NNT: variants seen among roughly 807,000 people sequenced by gnomAD.
The protein encoded by NNT is nicotinamide nucleotide transhydrogenase.
In NNT, 50 loss-of-function variants were observed where a neutral mutation model predicts 104.8. That is an observed-to-expected ratio of 0.48 (90% CI 0.38 to 0.60). The LOEUF (loss-of-function observed/expected upper bound fraction) is 0.60, where lower values mean the gene tolerates loss of function less well. Ranked by LOEUF, NNT falls within the 20% of genes least tolerant of loss-of-function variation. NNT has a pLI of 0.00. For missense variants in NNT, 1,131 were observed against 1,330.7 expected (o/e 0.85, Z 2.33); for synonymous variants, 461 against 490.4 (o/e 0.94, Z 0.79).
In NNT at chr5:43,651,753, A is replaced by G. The variant is rs1739777861; in HGVS notation, c.1732A>G (p.Thr578Ala). 1 of 1,613,970 alleles carries G rather than the reference A, an allele frequency of 6.2e-7. No homozygotes were observed. Among genetic ancestry groups the G allele is most frequent in the African/African-American group, 1.3e-5 (1 of 74,972 alleles). ...SVNIAGGFLVTQRMLDMFKRP... is the reference protein window; with the variant it reads ...SVNIAGGFLVAQRMLDMFKRP... ...GGTTTGCTAAGGTGGCTTTCTGGTG[A>G]CTCAGAGAATGCTGGACATGTTCAA... Residue 578 changes from threonine (T) to alanine (A), a missense_variant, in exon 13 of 22, where the codon ACT becomes GCT. Transcript: ENST00000344920.
At chr5:43,624,873 A>G (rs1750282669) in intron 6 of NNT, among the ~76,000 whole-genome samples, 1 of 152,216 alleles carries the variant, frequency 6.6e-6, no homozygotes, top group Non-Finnish European at 1.5e-5. Flanking sequence ...GAATAATACT[A>G]CTGTTAATCT....
At chr5:43,627,170 G>A (rs1485595116) in intron 6 of NNT, among the ~76,000 whole-genome samples, 1 of 152,132 alleles carries the variant, frequency 6.6e-6, no homozygotes, top group African/African-American at 2.4e-5. Flanking sequence ...GATTCCACTT[G>A]TGGTTGCAAC....
At chr5:43,610,931 C>A (rs1749467246) in intron 2 of NNT, among the ~76,000 whole-genome samples, 1 of 152,112 alleles carries the variant, frequency 6.6e-6, no homozygotes, top group African/African-American at 2.4e-5. Flanking sequence ...TTATTTTTAT[C>A]TCTGAAAGAT....
chr5:43,697,272 C>G (rs568500369), intron 19 of NNT, among the ~76,000 whole-genome samples: 1 of 152,126 alleles, frequency 6.6e-6, no homozygotes, highest in African/African-American at 2.4e-5. Flanking sequence ...GGTAAAATGC[C>G]GTCATTCTCT....
intron 18 of NNT, among the ~76,000 whole-genome samples, chr5:43,677,252 A>G (rs1007561917): frequency 6.6e-6 from 1 of 152,152 alleles, no homozygotes; most frequent in Non-Finnish European, 1.5e-5. Context: ...GTGAGGGGCA[A>G]AGTTAAAGCC....
Position 43,607,780 on chromosome 5 carries a change from TCTCC to T in NNT, c.-53-1359_-53-1356del, listed in dbSNP as rs920431652. Among the ~76,000 whole-genome samples, 3 of 152,012 alleles carry T rather than the reference TCTCC, an allele frequency of 2.0e-5. 1 individual carries two copies. In the East Asian group the frequency reaches 5.8e-4, roughly 30 times the overall value. ...TGAAATTAAAAATGAGCTAAGTCTTTCTCCCTCTGGAGTCTGGAAGAACATTTAC... is the reference window on the plus strand; with the variant it reads ...TGAAATTAAAAATGAGCTAAGTCTTTCTCTGGAGTCTGGAAGAACATTTAC... On this transcript the variant is annotated intron_variant, in intron 1 of 21. Transcript: ENST00000344920.
At chr5:43,615,777 G>A (rs1749752504) in intron 3 of NNT, 71 bp from the exon 4 acceptor site, 17 of 1,155,784 alleles carry the variant, frequency 1.5e-5, no homozygotes, top group Non-Finnish European at 2.0e-5. Context: ...TATTATCTAA[G>A]TTTTCCTGTT....
At chr5:43,634,185 G>A (rs946108056) in intron 7 of NNT, among the ~76,000 whole-genome samples, 1 of 152,120 alleles carries the variant, frequency 6.6e-6, no homozygotes, top group African/African-American at 2.4e-5. Context: ...CTGGAGAATT[G>A]GGTGGGAGGT....
At chr5:43,620,893 G>A (rs1436974731) in intron 5 of NNT, among the ~76,000 whole-genome samples, 2 of 152,196 alleles carry the variant, frequency 1.3e-5, no homozygotes, top group African/African-American at 4.8e-5. Context: ...TGGAAGTTGA[G>A]AGAAAAGCTG....
chr5:43,638,631 A>G (rs1372228340), intron 7 of NNT, among the ~76,000 whole-genome samples: 1 of 150,634 alleles, frequency 6.6e-6, no homozygotes, highest in Non-Finnish European at 1.5e-5. Flanking sequence ...GTGGAGCTAA[A>G]TATCTCATGT....
intron 18 of NNT, among the ~76,000 whole-genome samples, chr5:43,676,352 T>C (rs1034568455): frequency 4.6e-5 from 7 of 152,200 alleles, no homozygotes; most frequent in Non-Finnish European, 7.3e-5. Flanking sequence ...ATCAAATGAG[T>C]TTTCTGTAAA....
At chr5:43,660,669 C>G (rs1429893847) in intron 17 of NNT, among the ~76,000 whole-genome samples, 1 of 152,168 alleles carries the variant, frequency 6.6e-6, no homozygotes, top group Admixed American at 6.5e-5. Context: ...AGGAAGCTTA[C>G]AATCATGGCA....
intron 3 of NNT, among the ~76,000 whole-genome samples, chr5:43,613,857 C>T (rs1720858665): frequency 6.6e-6 from 1 of 152,066 alleles, no homozygotes; most frequent in South Asian, 2.1e-4. Context: ...CTTTTTTCTA[C>T]ATTAATTTCT....
chr5:43,665,878 C>T (rs1419428890), intron 17 of NNT, among the ~76,000 whole-genome samples: 3 of 151,142 alleles, frequency 2.0e-5, no homozygotes, highest in African/African-American at 4.9e-5. Flanking sequence ...CTGGACGGGG[C>T]GGCTGCCGGG....
At position 43,706,773 on chromosome 5, in the gene NNT, T is replaced by C. The variant is rs1489260099; in HGVS notation, c.*2369T>C. 6.6e-6 allele frequency: 1 copy of C among 152,202 alleles called. No individual in the cohort carries two copies. Among genetic ancestry groups the C allele is most frequent in the Non-Finnish European group, 1.5e-5 (1 of 68,046 alleles). The allele number at this position is 152,202 out of a possible 1,614,324, so 9.4% of individuals were successfully genotyped here. On this transcript the variant is annotated 3_prime_UTR_variant, in exon 22 of 22. Transcript: ENST00000344920. ...TAAGAAAATGTGCACATATACACCA[T>C]GGAATACTATGCAGCCATAAAAAAG...
At chr5:43,651,471 G>C (rs943832501) in intron 12 of NNT, among the ~76,000 whole-genome samples, 1 of 152,002 alleles carries the variant, frequency 6.6e-6, no homozygotes, top group South Asian at 2.1e-4. Context: ...CCAGCCACTC[G>C]GGGGGCTGAG....
chr5:43,666,731 A>G, intron 17 of NNT: 2 of 1,183,254 alleles, frequency 1.7e-6, no homozygotes, highest in Non-Finnish European at 2.4e-6. Context: ...GGGGGGTCGC[A>G]CCAGTCCTTC....
chr5:43,648,417 T>A (rs929918140), intron 10 of NNT: 1 of 166,798 alleles, frequency 6.0e-6, no homozygotes, highest in Non-Finnish European at 1.3e-5. Context: ...ATGTTTGCTA[T>A]CAAGGAAGGC....
At chr5:43,611,088 C>G (rs1749476480) in intron 2 of NNT, among the ~76,000 whole-genome samples, 1 of 148,422 alleles carries the variant, frequency 6.7e-6, no homozygotes, top group South Asian at 2.2e-4. Context: ...CCCTCCCTCC[C>G]TCCCTGCCTC....
Sources: gnomAD v4.1 joint callset for allele counts (sites outside exome capture counted in the v4.1 genomes callset) on GRCh38, gnomAD v4.1.1 for gene constraint, MANE v1.5 for transcripts, NCBI Gene and HGNC (gene_info 2026-07-23, HGNC 2026-07-21) for gene names.